ZNF275: variants seen among roughly 807,000 people sequenced by gnomAD.
ZNF275 encodes zinc finger protein 275.
ZNF275 carries 4 observed loss-of-function variants against 4.3 expected under a neutral mutation model. The observed-to-expected ratio is 0.93, with a 90% CI of 0.46 to 2.13. The LOEUF is 2.13. Among genes scored for constraint, ZNF275 ranks in the 30% most tolerant of loss-of-function variants. ZNF275 has a pLI of 0.02. For synonymous variants in ZNF275, 173 were observed against 166.9 expected (o/e 1.04, Z -0.28); for missense variants, 352 against 397.1 (o/e 0.89, Z 0.97).
chrX:153,343,063 T>C (rs1305948700), intron 2 of ZNF275, among the ~76,000 whole-genome samples: 2 of 112,577 alleles, frequency 1.8e-5, no homozygotes, highest in African/African-American at 6.5e-5. Context: ...GTTTCTCTTC[T>C]CTTGGGGATC....
At chrX:153,340,192 G>A (rs2088472834) in intron 2 of ZNF275, among the ~76,000 whole-genome samples, 1 of 112,229 alleles carries the variant, frequency 8.9e-6, no homozygotes, top group Non-Finnish European at 1.9e-5. Context: ...GGATGAACAC[G>A]ATCTCACACT....
chrX:153,347,432 C>T lies in ZNF275; in HGVS notation c.747C>T (p.Arg249=). The T allele has an allele frequency of 8.3e-7, 1 of 1,211,716 alleles. No individual in the cohort carries two copies. The highest frequency in any genetic ancestry group is 1.1e-6 in the Non-Finnish European group (1 of 895,303). Residue 249 remains arginine (R), a synonymous_variant, in exon 4 of 4, where the codon CGC becomes CGT. Transcript: ENST00000650114. Reference sequence around the variant, plus strand: ...CGTGCAGCAGGGATTTCCTGGATCGCCAGGAGCTTCTCAAGCACCAGCGCA... The same window carrying T: ...CGTGCAGCAGGGATTTCCTGGATCGTCAGGAGCTTCTCAAGCACCAGCGCA... ...CKACSRDFLD[R]QELLKHQRMH... is the part of the protein sequence containing the mutation.
At position 153,334,194 on chromosome X, in the gene ZNF275, G is replaced by A. The variant is rs2088427665; in HGVS notation, c.-138G>A. ...GCTGTTAGCTCGGCTGGGCACGGGC[G>A]GCTCCGTGGCGCTTCCTGCCACGCC... On this transcript the variant is annotated 5_prime_UTR_variant, in exon 1 of 4. Transcript: ENST00000650114. 9.0e-6 allele frequency: 1 copy of A among 111,362 alleles called. No homozygotes were observed. Among genetic ancestry groups the A allele is most frequent in the African/African-American group, 3.3e-5 (1 of 30,737 alleles). The allele number at this position is 111,362 out of a possible 1,213,427, so 9.2% of individuals were successfully genotyped here. A position where few individuals can be genotyped will look rare whatever the true frequency, so the allele number is the denominator to read the frequency against.
At chrX:153,334,650 G>C (rs782377866) in intron 1 of ZNF275, among the ~76,000 whole-genome samples, 1 of 110,933 alleles carries the variant, frequency 9.0e-6, no homozygotes, top group Non-Finnish European at 1.9e-5. Context: ...TGCTCTTTGG[G>C]GGACGCTAGG....
chrX:153,340,460 T>A (rs2088474458), intron 2 of ZNF275, among the ~76,000 whole-genome samples: 1 of 112,886 alleles, frequency 8.9e-6, no homozygotes, highest in African/African-American at 3.2e-5. Context: ...CTGGGTTTTT[T>A]ACCCAAGCAG....
chrX:153,341,947 T>G (rs2088482564), intron 2 of ZNF275, among the ~76,000 whole-genome samples: 1 of 111,800 alleles, frequency 8.9e-6, no homozygotes, highest in Non-Finnish European at 1.9e-5. Flanking sequence ...TTGACTTTCT[T>G]GGACGTGTGA....
At chrX:153,342,820 G>A (rs1442612668) in intron 2 of ZNF275, among the ~76,000 whole-genome samples, 2 of 112,593 alleles carry the variant, frequency 1.8e-5, no homozygotes, top group African/African-American at 6.5e-5. Context: ...AAAGACTCAA[G>A]GGGAGGCTTA....
At chrX:153,341,994 C>A (rs1211597285) in intron 2 of ZNF275, among the ~76,000 whole-genome samples, 1 of 111,945 alleles carries the variant, frequency 8.9e-6, no homozygotes, top group African/African-American at 3.2e-5. Context: ...AACTGTCCTG[C>A]CATTATTTCT....
chrX:153,345,854 G>C (rs1053757510), intron 3 of ZNF275, among the ~76,000 whole-genome samples: 46 of 110,052 alleles, frequency 4.2e-4, no homozygotes, highest in African/African-American at 1.5e-3. Context: ...AGGGTTGGGG[G>C]CCCAGCTGAG....
rs1484401622 is a variant in ZNF275, at chrX:153,350,421, T to C, written c.*2446T>C. 8.1e-6 allele frequency: 1 copy of C among 123,819 alleles called. No individual in the cohort carries two copies. Among genetic ancestry groups the C allele is most frequent in the Non-Finnish European group, 1.9e-5 (1 of 53,271 alleles). The allele number at this position is 123,819 out of a possible 1,213,427, so 10.2% of individuals were successfully genotyped here. A position where few individuals can be genotyped will look rare whatever the true frequency, so the allele number is the denominator to read the frequency against. On this transcript the variant is annotated 3_prime_UTR_variant, in exon 4 of 4. Coordinates refer to ENST00000650114, the MANE Select transcript of ZNF275 (RefSeq NM_001367757.1). ...TGTGTGGCATAGAAGTAGAAGCTGG[T>C]CCTCCTGGGTCTGAGCTACCATTTC...
At chrX:153,336,382 C>T (rs5970447) in intron 1 of ZNF275, among the ~76,000 whole-genome samples, 44,365 of 111,945 alleles carry the variant, frequency 0.4, 6,892 homozygotes, top group African/African-American at 0.6. Context: ...GATGGGCCCA[C>T]GTGGGGCCTT....
chrX:153,341,785 C>G (rs1556961075), intron 2 of ZNF275, among the ~76,000 whole-genome samples: 2 of 112,503 alleles, frequency 1.8e-5, no homozygotes, highest in Admixed American at 1.9e-4. Context: ...CTGACTTGCA[C>G]ATTCTCTGAT....
intron 2 of ZNF275, 91 bp from the exon 3 acceptor site, chrX:153,345,429 G>A (rs1669330946): frequency 3.1e-6 from 2 of 639,078 alleles, no homozygotes; most frequent in Non-Finnish European, 5.0e-6. Context: ...GATTGAAGGG[G>A]GTTCCCCTTC....
chrX:153,344,820 T>G (rs782695508), intron 2 of ZNF275: 1 of 365,907 alleles, frequency 2.7e-6, no homozygotes, highest in South Asian at 2.4e-5. Context: ...ACCACCTTCT[T>G]GGAGTGGGGC....
intron 2 of ZNF275, among the ~76,000 whole-genome samples, chrX:153,341,200 C>T (rs1257226796): frequency 8.9e-6 from 1 of 112,618 alleles, no homozygotes; most frequent in East Asian, 2.8e-4. Context: ...TCCATTTACA[C>T]TTACCTTAAC....
In ZNF275 at chrX:153,342,143, CATTT is replaced by C. The variant is rs1357874085; in HGVS notation, c.32-3376_32-3373del. Among the ~76,000 whole-genome samples the C allele has an allele frequency of 1.9e-4, 21 of 112,080 alleles. No individual in the cohort carries two copies. In the Admixed American group the frequency reaches 2.0e-3, roughly 11 times the overall value. On this transcript the variant is annotated intron_variant, in intron 2 of 3. Transcript: ENST00000650114. ...AAAAACTCTTTTTCTCTCTGAGCTTCATTTGAGATCATTTCTATTGCTATGTCAT... is the reference window on the plus strand; with the variant it reads ...AAAAACTCTTTTTCTCTCTGAGCTTCGAGATCATTTCTATTGCTATGTCAT...
chrX:153,344,302 C>G, intron 2 of ZNF275: 1 of 282,375 alleles, frequency 3.5e-6, no homozygotes, highest in South Asian at 3.3e-5. Flanking sequence ...CAGCATGACA[C>G]ACGGCAGAGT....
Position 153,347,104 on chromosome X carries a change from G to T in ZNF275, c.419G>T (p.Gly140Val), listed in dbSNP as rs374479953. 1.7e-6 allele frequency: 2 copies of T among 1,209,518 alleles called. No individual in the cohort carries two copies. The highest frequency in any genetic ancestry group is 2.2e-6 in the Non-Finnish European group (2 of 895,030). The change falls in exon 4 of 4, where the codon GGG (glycine) becomes GTG (valine). Residue 140 changes from glycine (G) to valine (V), a missense_variant. Physicochemically the swap from Gly to Val is moderately radical, Grantham distance 109. Coordinates refer to ENST00000650114, the MANE Select transcript of ZNF275 (RefSeq NM_001367757.1). ...ECGDCGKVFR[G>V]VAEFNEHRKS... ...GGCGACTGCGGGAAGGTCTTTAGGG[G>T]GGTGGCGGAGTTTAATGAGCACAGG...
Position 153,351,838 on chromosome X carries a change from C to T in ZNF275, c.*3863C>T, listed in dbSNP as rs1311969414. 1 of 111,842 alleles carries T rather than the reference C, an allele frequency of 8.9e-6. No homozygotes were observed. The highest frequency in any genetic ancestry group is 3.3e-5 in the African/African-American group (1 of 30,706). 9.2% of individuals were successfully genotyped at this position (111,842 alleles called of 1,213,427 possible). A position where few individuals can be genotyped will look rare whatever the true frequency, so the allele number is the denominator to read the frequency against. ...CCATGTGCTTGATTTTGTCCTAGAA[C>T]TGGCACAGCGCCTGCCCTACCTGCA... On this transcript the variant is annotated 3_prime_UTR_variant, in exon 4 of 4. Transcript: ENST00000650114.
Sources: gnomAD v4.1 joint callset for allele counts (sites outside exome capture counted in the v4.1 genomes callset) on GRCh38, gnomAD v4.1.1 for gene constraint, MANE v1.5 for transcripts, NCBI Gene and HGNC (gene_info 2026-07-23, HGNC 2026-07-21) for gene names.